Variants in PSD3 observed in about 807,000 individuals in gnomAD.
PSD3 encodes the protein pleckstrin and Sec7 domain containing 3, also known as PH and SEC7 domain-containing protein 3.
Under a neutral mutation model 105.5 loss-of-function variants are expected in PSD3, and 49 were observed. The observed-to-expected ratio is 0.46, with a 90% CI of 0.37 to 0.59. The LOEUF (loss-of-function observed/expected upper bound fraction) is 0.59, where lower values mean the gene tolerates loss of function less well. Ranked by LOEUF, PSD3 falls within the 20% of genes least tolerant of loss-of-function variation. The pLI, the probability that PSD3 is intolerant of heterozygous loss-of-function variation, is 0.00. For missense variants in PSD3, 1,561 were observed against 1,263.8 expected, an observed-to-expected ratio of 1.24 and a Z score of -3.57; for synonymous variants, 557 against 457.8, an observed-to-expected ratio of 1.22 and a Z score of -2.77.
chr8:18,744,065 T>C (rs577863289), intron 9 of PSD3, among the ~76,000 whole-genome samples: 37 of 151,236 alleles, frequency 2.4e-4, no homozygotes, highest in Middle Eastern at 3.4e-3. Context: ...TTCTAGATTC[T>C]CACATATGAA....
chr8:18,900,126 T>C (rs575415660), intron 2 of PSD3, among the ~76,000 whole-genome samples: 33 of 152,336 alleles, frequency 2.2e-4, no homozygotes, highest in African/African-American at 7.9e-4. Context: ...TCCTGTTATC[T>C]TGACATTTTT....
chr8:19,046,532 G>T (rs1279675183), intron 1 of PSD3, among the ~76,000 whole-genome samples: 2 of 152,164 alleles, frequency 1.3e-5, no homozygotes, highest in East Asian at 3.8e-4. Context: ...TCTGGCTGAG[G>T]TCAGGCTCAA....
intron 4 of PSD3, among the ~76,000 whole-genome samples, chr8:18,827,498 G>A (rs1813296057): frequency 6.6e-6 from 1 of 152,180 alleles, no homozygotes; most frequent in African/African-American, 2.4e-5. Context: ...TACGAAAAAT[G>A]GCCAGATTCA....
intron 8 of PSD3, among the ~76,000 whole-genome samples, chr8:18,793,273 T>C (rs1809898109): frequency 6.7e-6 from 1 of 149,778 alleles, no homozygotes; most frequent in African/African-American, 2.5e-5. Context: ...CATACATATG[T>C]AACAAACCTG....
intron 4 of PSD3, among the ~76,000 whole-genome samples, chr8:18,856,467 C>G (rs1053706718): frequency 6.6e-6 from 1 of 152,168 alleles, no homozygotes; most frequent in Non-Finnish European, 1.5e-5. Context: ...AGGCCTGTAG[C>G]GAAGTATAAC....
chr8:19,084,508 G>A (rs553806529), exon 1 of PSD3: 2 of 431,196 alleles, frequency 4.6e-6, no homozygotes, highest in South Asian at 1.7e-5. Context: ...CCCATGGAGG[G>A]ACTGCTGCTT....
chr8:18,799,889 C>T (rs923592256), intron 7 of PSD3, among the ~76,000 whole-genome samples: 10 of 152,284 alleles, frequency 6.6e-5, no homozygotes, highest in African/African-American at 2.4e-4. Flanking sequence ...ATAGCAGTTT[C>T]AGATGCAGTA....
chr8:18,637,982 C>T (rs1269113514), intron 10 of PSD3, among the ~76,000 whole-genome samples: 1 of 151,636 alleles, frequency 6.6e-6, no homozygotes, highest in East Asian at 1.9e-4. Flanking sequence ...ATGGTAAAAC[C>T]CCATCTCTAC....
chr8:18,965,706 G>C (rs967124855), intron 1 of PSD3, among the ~76,000 whole-genome samples: 1 of 152,200 alleles, frequency 6.6e-6, no homozygotes, highest in Non-Finnish European at 1.5e-5. Context: ...CAAGATTCTG[G>C]AGATGGATGG....
chr8:18,598,576 A>T (rs1331321349), intron 12 of PSD3, among the ~76,000 whole-genome samples: 1 of 152,152 alleles, frequency 6.6e-6, no homozygotes, highest in African/African-American at 2.4e-5. Flanking sequence ...GATGCAGGAA[A>T]GCGATGATAT....
chr8:18,630,814 T>G (rs141065505), intron 11 of PSD3, among the ~76,000 whole-genome samples: 77 of 152,094 alleles, frequency 5.1e-4, no homozygotes, highest in African/African-American at 1.7e-3. Context: ...ACTTTTTTCC[T>G]TGTCATTATT....
At chr8:18,632,031 C>A (rs1443020503) in intron 11 of PSD3, among the ~76,000 whole-genome samples, 1 of 151,936 alleles carries the variant, frequency 6.6e-6, no homozygotes, top group East Asian at 1.9e-4. Context: ...GATAATCATG[C>A]CTCACACTTC....
chr8:18,559,992 C>T (rs1032152250), intron 14 of PSD3, among the ~76,000 whole-genome samples: 1 of 152,146 alleles, frequency 6.6e-6, no homozygotes, highest in Admixed American at 6.6e-5. Flanking sequence ...ACTACTATTT[C>T]ACTGGCTTCA....
chr8:18,898,257 T>C (rs758830408), intron 2 of PSD3, among the ~76,000 whole-genome samples: 3 of 152,172 alleles, frequency 2.0e-5, no homozygotes, highest in Non-Finnish European at 2.9e-5. Flanking sequence ...TCTAATAATA[T>C]TTGCTTTGAT....
At chr8:18,592,359 G>C (rs982606261) in intron 12 of PSD3, among the ~76,000 whole-genome samples, 3 of 152,056 alleles carry the variant, frequency 2.0e-5, no homozygotes, top group African/African-American at 4.8e-5. Context: ...GAATGAAAAA[G>C]AGTTAAGAGA....
At chr8:18,797,134 T>C (rs1810256220) in intron 8 of PSD3, among the ~76,000 whole-genome samples, 1 of 152,134 alleles carries the variant, frequency 6.6e-6, no homozygotes, top group South Asian at 2.1e-4. Context: ...ACATGGTTAG[T>C]TCTTATGATA....
chr8:18,699,684 G>T (rs948831978), intron 9 of PSD3, among the ~76,000 whole-genome samples: 27 of 152,270 alleles, frequency 1.8e-4, no homozygotes, highest in African/African-American at 6.5e-4. Context: ...ACAGGAAAAA[G>T]AATTCAAATG....
chr8:18,995,589 G>A (rs574135163), intron 1 of PSD3, among the ~76,000 whole-genome samples: 1 of 152,090 alleles, frequency 6.6e-6, no homozygotes, highest in South Asian at 2.1e-4. Context: ...CAGTGTATTA[G>A]TCTGTTCTCA....
intron 1 of PSD3, among the ~76,000 whole-genome samples, chr8:19,032,135 A>G (rs1383890694): frequency 6.6e-6 from 1 of 152,128 alleles, no homozygotes; most frequent in East Asian, 1.9e-4. Flanking sequence ...ATTTTACTCT[A>G]AACACTGTCT....
Sources: gnomAD v4.1 joint callset for allele counts (sites outside exome capture counted in the v4.1 genomes callset) on GRCh38, gnomAD v4.1.1 for gene constraint, MANE v1.5 for transcripts, NCBI Gene and HGNC (gene_info 2026-07-23, HGNC 2026-07-21) for gene names.